FAT1: variants seen among roughly 807,000 people sequenced by gnomAD.
FAT1 encodes protocadherin Fat 1.
A neutral mutation model predicts 329.8 loss-of-function variants in FAT1; 171 were observed. The observed-to-expected ratio is 0.52, with a 90% CI of 0.46 to 0.59. The LOEUF is 0.59. FAT1 is among the 20% of genes least tolerant of loss of function. The pLI, the probability that FAT1 is intolerant of heterozygous loss-of-function variation, is 0.00. For missense variants in FAT1, 5,672 were observed against 5,774.4 expected, an observed-to-expected ratio of 0.98 and a Z score of 0.57; for synonymous variants, 2,233 against 2,228.6, an observed-to-expected ratio of 1.00 and a Z score of -0.06.
chr4:186,617,698 T>A lies in FAT1; in HGVS notation c.8878+10A>T, dbSNP rs1739778465. 6.5e-7 allele frequency: 1 copy of A among 1,528,408 alleles called. No individual in the cohort carries two copies. The highest frequency in any genetic ancestry group is 8.8e-7 in the Non-Finnish European group (1 of 1,134,782). 94.7% of individuals were successfully genotyped at this position (1,528,408 alleles called of 1,614,324 possible). ...AATTAATTAAACCGTTTGGTATGAA[T>A]TTTTTTTACCTGTTATGAAATATGT... On this transcript the variant is annotated intron_variant, in intron 10 of 26. Transcript: ENST00000441802.
intron 3 of FAT1, among the ~76,000 whole-genome samples, chr4:186,645,419 A>ATATG: frequency 1.4e-5 from 1 of 73,336 alleles, no homozygotes; most frequent in African/African-American, 6.2e-5. Flanking sequence ...ATATATATAT[A>ATATG]TATGCCTGTA....
In FAT1 at chr4:186,628,177, T is replaced by A. The variant is rs2126541693; in HGVS notation, c.4787A>T (p.Glu1596Val). The change falls in exon 9 of 27, where the codon GAA (glutamate) becomes GTA (valine). Residue 1596 changes from glutamate to valine, a missense_variant. Physicochemically the swap from Glu to Val is moderately radical, Grantham distance 121. Around this residue, in one of 2 missense-constraint regions of FAT1, gnomAD observed 3,966 missense variants for 3,915.2 expected, o/e 1.01. Coordinates refer to ENST00000441802, the MANE Select transcript of FAT1 (RefSeq NM_005245.4). ...ALDKDKGKNA[E>V]VLYSIESGNI... ...ACCTGACTCGATCGAGTACAGCACT[T>A]CAGCATTTTTCCCTTTGTCCTTGTC... 1 of 1,613,884 alleles carries A rather than the reference T, an allele frequency of 6.2e-7. No homozygotes were observed. Among genetic ancestry groups the A allele is most frequent in the South Asian group, 1.1e-5 (1 of 91,044 alleles).
rs776899272 is a variant in FAT1 at position 186,619,866 on chromosome 4, A to G, written c.6720T>C (p.Ala2240=). ...CCGGGTGGGCCTCAAAGTCCAGAGGAGCTATGACATTGATAACTCCAGTAT... is the reference window on the plus strand; with the variant it reads ...CCGGGTGGGCCTCAAAGTCCAGAGGGGCTATGACATTGATAACTCCAGTAT... ...NFNTGVINVI[A]PLDFEAHPAY... Residue 2240 remains alanine (A), a synonymous_variant, in exon 10 of 27, where the codon GCT becomes GCC. Coordinates refer to ENST00000441802, the MANE Select transcript of FAT1 (RefSeq NM_005245.4). 3 of 1,613,958 alleles carry G rather than the reference A, an allele frequency of 1.9e-6. No homozygotes were observed. The highest frequency in any genetic ancestry group is 2.5e-6 in the Non-Finnish European group (3 of 1,179,884).
rs992676221 is a variant in FAT1, at chr4:186,606,063, A to G, written c.10350+7T>C. 6.2e-7 allele frequency: 1 copy of G among 1,612,286 alleles called. No individual in the cohort carries two copies. Among genetic ancestry groups the G allele is most frequent in the Non-Finnish European group, 8.5e-7 (1 of 1,179,476 alleles). Reference sequence around the variant, plus strand: ...ACCCCAGGACCACCTTGGCACTCGAAGCCCACCTGGATAATGACACTGTAG... The same window carrying G: ...ACCCCAGGACCACCTTGGCACTCGAGGCCCACCTGGATAATGACACTGTAG... On this transcript the variant is annotated splice_region_variant and intron_variant, in intron 17 of 26. Coordinates refer to ENST00000441802, the MANE Select transcript of FAT1 (RefSeq NM_005245.4).
intron 3 of FAT1, among the ~76,000 whole-genome samples, chr4:186,659,625 T>C (rs757694131): frequency 2.0e-5 from 3 of 147,290 alleles, no homozygotes; most frequent in Non-Finnish European, 4.5e-5. Context: ...CTGTGGCACT[T>C]GTCCCCTGAA....
At chr4:186,623,289 G>A (rs1740138897) in intron 9 of FAT1, among the ~76,000 whole-genome samples, 1 of 152,186 alleles carries the variant, frequency 6.6e-6, no homozygotes, top group South Asian at 2.1e-4. Flanking sequence ...GTACTTATGA[G>A]TCAGTGATCC....
In FAT1 at chr4:186,600,760, G is replaced by A. The variant is rs183882404; in HGVS notation, c.11641-400C>T. Among the ~76,000 whole-genome samples the A allele has an allele frequency of 1.9e-3, 290 of 152,308 alleles. 3 individuals are homozygous for A. In the South Asian group the frequency reaches 0.024, roughly 12 times the overall value. On this transcript the variant is annotated intron_variant, in intron 21 of 26. Transcript: ENST00000441802. ...AGTTTCACTCTTGTCGCCCAGGCTG[G>A]AGTGCAGTGGCGTGATCTCAACTCA...
At chr4:186,589,700 A>G (rs537787069) in intron 26 of FAT1, among the ~76,000 whole-genome samples, 7 of 152,196 alleles carry the variant, frequency 4.6e-5, no homozygotes, top group African/African-American at 1.7e-4. Flanking sequence ...AAAATTTTGC[A>G]TTTCTATTTT....
rs919536372 is a variant in FAT1, at chr4:186,596,216, T to A, written c.13000+324A>T. Among the ~76,000 whole-genome samples, 1 of 152,190 alleles carries A rather than the reference T, an allele frequency of 6.6e-6. No homozygotes were observed. Among genetic ancestry groups the A allele is most frequent in the African/African-American group, 2.4e-5 (1 of 41,460 alleles). Reference sequence around the variant, plus strand: ...GGTCATATTTTTAAAAATCCTAGCATGAAAATGCTCCCGATTATTTTTTTG... The same window carrying A: ...GGTCATATTTTTAAAAATCCTAGCAAGAAAATGCTCCCGATTATTTTTTTG... On this transcript the variant is annotated intron_variant, in intron 25 of 26. Coordinates refer to ENST00000441802, the MANE Select transcript of FAT1 (RefSeq NM_005245.4). This position sits in a 1 kb window ranked among gnomAD's most constrained non-coding sequence, Gnocchi z 4.7.
chr4:186,697,354 C>T (rs1579465643), intron 2 of FAT1, among the ~76,000 whole-genome samples: 1 of 152,160 alleles, frequency 6.6e-6, no homozygotes, highest in African/African-American at 2.4e-5. Context: ...TGTGGAGGGC[C>T]GGCTGCGGGA....
At chr4:186,642,812 T>C (rs553218021) in intron 3 of FAT1, among the ~76,000 whole-genome samples, 1 of 152,056 alleles carries the variant, frequency 6.6e-6, no homozygotes, top group Non-Finnish European at 1.5e-5. Context: ...AGTGGGCCTA[T>C]AAAAACGGTA....
At chr4:186,685,311 G>A (rs927051132) in intron 2 of FAT1, among the ~76,000 whole-genome samples, 3 of 152,166 alleles carry the variant, frequency 2.0e-5, no homozygotes, top group Admixed American at 1.3e-4. Flanking sequence ...GATAGGATAC[G>A]GAACCGTAGA....
intron 3 of FAT1, among the ~76,000 whole-genome samples, chr4:186,645,658 A>C (rs1045551369): frequency 6.6e-6 from 1 of 151,528 alleles, no homozygotes; most frequent in Non-Finnish European, 1.5e-5. Context: ...ATAAATTTCA[A>C]CATCAGCACA....
chr4:186,606,918 A>C (rs967533417), intron 16 of FAT1, among the ~76,000 whole-genome samples: 1 of 152,242 alleles, frequency 6.6e-6, no homozygotes, highest in African/African-American at 2.4e-5. Context: ...CCAATGAAAA[A>C]GAATTCTGCT....
At chr4:186,641,719 T>A in intron 3 of FAT1, among the ~76,000 whole-genome samples, 1 of 152,066 alleles carries the variant, frequency 6.6e-6, no homozygotes, top group Non-Finnish European at 1.5e-5. Flanking sequence ...CAATTCCACA[T>A]AAAAAGGCTG....
chr4:186,629,781 C>T (rs1238183195), intron 7 of FAT1, among the ~76,000 whole-genome samples: 2 of 152,184 alleles, frequency 1.3e-5, no homozygotes, highest in Non-Finnish European at 2.9e-5. Flanking sequence ...CGTAACATTA[C>T]ATTTTGTATG....
intron 3 of FAT1, among the ~76,000 whole-genome samples, chr4:186,646,838 C>T (rs75862484): frequency 2.9e-4 from 44 of 152,226 alleles, no homozygotes; most frequent in Non-Finnish European, 4.9e-4. Flanking sequence ...CAGCGGGCGA[C>T]GAAGAGGCCT....
At chr4:186,639,218 A>C (rs1740982012) in intron 4 of FAT1, among the ~76,000 whole-genome samples, 1 of 152,210 alleles carries the variant, frequency 6.6e-6, no homozygotes, top group Non-Finnish European at 1.5e-5. Context: ...AGAAGCACAA[A>C]CTAAGTAATT....
intron 2 of FAT1, among the ~76,000 whole-genome samples, chr4:186,701,895 G>A (rs1195113473): frequency 3.3e-5 from 5 of 152,242 alleles, no homozygotes; most frequent in African/African-American, 9.6e-5. Flanking sequence ...CCGGAATTCC[G>A]TTCCGTTCCC....
Sources: allele counts gnomAD v4.1 joint callset (sites outside exome capture counted in the v4.1 genomes callset), GRCh38; gene constraint gnomAD v4.1.1; regional missense constraint gnomAD v4.1.1; non-coding constraint Gnocchi (gnomAD v3.1); transcripts MANE v1.5; gene names NCBI Gene and HGNC (gene_info 2026-07-23, HGNC 2026-07-21).